SGPP2: variants seen among roughly 807,000 people sequenced by gnomAD.
SGPP2 encodes the protein sphingosine 1-phosphate phosphohydrolase 2.
Under a neutral mutation model 33.9 loss-of-function variants are expected in SGPP2, and 30 were observed. That is an observed-to-expected ratio of 0.89 (90% CI 0.66 to 1.20). The LOEUF (loss-of-function observed/expected upper bound fraction) is 1.20, where lower values mean the gene tolerates loss of function less well. SGPP2 is among the 50% of genes most tolerant of loss of function. The pLI, the probability that SGPP2 is intolerant of heterozygous loss-of-function variation, is 0.00. For missense variants in SGPP2, 458 were observed against 532.1 expected, an observed-to-expected ratio of 0.86 and a Z score of 1.37; for synonymous variants, 233 against 225.0, an observed-to-expected ratio of 1.04 and a Z score of -0.32.
intron 2 of SGPP2, among the ~76,000 whole-genome samples, chr2:222,500,049 T>C (rs1698343700): frequency 6.6e-6 from 1 of 152,176 alleles, no homozygotes; most frequent in Non-Finnish European, 1.5e-5. Flanking sequence ...GTTCTTTCAG[T>C]GAGTCTGGCT....
chr2:222,490,355 A>G (rs188274902), intron 2 of SGPP2, among the ~76,000 whole-genome samples: 50 of 152,318 alleles, frequency 3.3e-4, no homozygotes, highest in African/African-American at 1.1e-3. Context: ...GCAATGACAA[A>G]TACTCTTATG....
chr2:222,510,230 G>A lies in SGPP2; in HGVS notation c.379-11537G>A, dbSNP rs182001533. Among the ~76,000 whole-genome samples the A allele has an allele frequency of 2.2e-4, 34 of 152,290 alleles. 1 individual carries two copies. The highest frequency in any genetic ancestry group is 2.2e-3 in the Admixed American group (33 of 15,286). On this transcript the variant is annotated intron_variant, in intron 2 of 4. Coordinates refer to ENST00000321276, the MANE Select transcript of SGPP2 (RefSeq NM_152386.4). The stretch of plus-strand genomic sequence containing the variant: ...AGGACACATGCTTTCCATTCTCTTA[G>A]GGATACACCTAGGAGTGGAATGGAT...
intron 4 of SGPP2, among the ~76,000 whole-genome samples, chr2:222,543,352 T>C (rs1010905234): frequency 6.6e-6 from 1 of 152,226 alleles, no homozygotes; most frequent in African/African-American, 2.4e-5. Flanking sequence ...CAAGTGACTT[T>C]ATGCATACAG....
At chr2:222,495,784 CT>C (rs926903629) in intron 2 of SGPP2, among the ~76,000 whole-genome samples, 27 of 152,340 alleles carry the variant, frequency 1.8e-4, no homozygotes, top group Admixed American at 6.5e-4. Flanking sequence ...TCTGTACCCC[CT>C]GGTCAGTCTG....
chr2:222,491,246 T>C (rs1698192944), intron 2 of SGPP2, among the ~76,000 whole-genome samples: 1 of 152,188 alleles, frequency 6.6e-6, no homozygotes, highest in Non-Finnish European at 1.5e-5. Context: ...GAAATCCCCC[T>C]GCCTCAGCTT....
intron 1 of SGPP2, among the ~76,000 whole-genome samples, chr2:222,433,404 T>A (rs1046253178): frequency 6.6e-6 from 1 of 152,156 alleles, no homozygotes; most frequent in Non-Finnish European, 1.5e-5. Flanking sequence ...TACACTTAAT[T>A]GCAAGTAGGT....
chr2:222,457,422 T>C (rs1401900204), intron 1 of SGPP2, among the ~76,000 whole-genome samples: 1 of 152,200 alleles, frequency 6.6e-6, no homozygotes, highest in Non-Finnish European at 1.5e-5. Flanking sequence ...AAATACTCTC[T>C]TATTACCTGA....
At chr2:222,469,119 A>C (rs907683959) in intron 1 of SGPP2, among the ~76,000 whole-genome samples, 1 of 152,178 alleles carries the variant, frequency 6.6e-6, no homozygotes, top group African/African-American at 2.4e-5. Flanking sequence ...TCATTTTATC[A>C]TTTCTTGTTT....
At chr2:222,532,790 C>T (rs2106142501) in intron 4 of SGPP2, among the ~76,000 whole-genome samples, 1 of 152,246 alleles carries the variant, frequency 6.6e-6, no homozygotes. Flanking sequence ...GACACAGCCC[C>T]ATTTGTGAGC....
chr2:222,469,868 T>C (rs1697811772), intron 1 of SGPP2, among the ~76,000 whole-genome samples: 1 of 152,204 alleles, frequency 6.6e-6, no homozygotes, highest in African/African-American at 2.4e-5. Flanking sequence ...CAAACCCAAA[T>C]GCCCATCAAT....
rs1697971964 is a variant in SGPP2, at chr2:222,477,883, T to A, written c.378+3157T>A. On this transcript the variant is annotated intron_variant, in intron 2 of 4. Coordinates refer to ENST00000321276, the MANE Select transcript of SGPP2 (RefSeq NM_152386.4). The surrounding 1 kb of genome is among the most constrained non-coding windows in gnomAD (Gnocchi z 6.0). The stretch of plus-strand genomic sequence containing the variant: ...CTTGTCTGAGGCAAAATGACAAGCT[T>A]TTGTCATAGAGTGAGGCAAATAAAA... Among the ~76,000 whole-genome samples, 1 of 152,044 alleles carries A rather than the reference T, an allele frequency of 6.6e-6. No individual in the cohort carries two copies. The highest frequency in any genetic ancestry group is 2.4e-5 in the African/African-American group (1 of 41,402).
Position 222,466,678 on chromosome 2 carries a change from G to GTT in SGPP2, c.220-7882_220-7881dup, listed in dbSNP as rs369207653. Among the ~76,000 whole-genome samples, 850 of 151,546 alleles carry GTT rather than the reference G, an allele frequency of 5.6e-3. 7 individuals carry two copies. Among genetic ancestry groups the GTT allele is most frequent in the African/African-American group, 0.02 (808 of 41,314 alleles). On this transcript the variant is annotated intron_variant, in intron 1 of 4. Transcript: ENST00000321276. Reference sequence around the variant, plus strand: ...CCCTTCTTAGGGAAACATGGTTTGGGTTTTTTTTTGGTATTGTGATGCTCT... The same window carrying GTT: ...CCCTTCTTAGGGAAACATGGTTTGGGTTTTTTTTTTTGGTATTGTGATGCTCT...
chr2:222,430,968 G>A (rs1697144051), intron 1 of SGPP2, among the ~76,000 whole-genome samples: 1 of 152,002 alleles, frequency 6.6e-6, no homozygotes, highest in African/African-American at 2.4e-5. Context: ...TATCCTGGAT[G>A]AGGTCATGGA....
At chr2:222,548,721 C>G (rs1689243587) in intron 4 of SGPP2, among the ~76,000 whole-genome samples, 1 of 152,182 alleles carries the variant, frequency 6.6e-6, no homozygotes, top group Non-Finnish European at 1.5e-5. Flanking sequence ...TATTTTTGAA[C>G]TTATGCATTC....
At chr2:222,546,394 A>G (rs1479279217) in intron 4 of SGPP2, among the ~76,000 whole-genome samples, 1 of 152,134 alleles carries the variant, frequency 6.6e-6, no homozygotes, top group Non-Finnish European at 1.5e-5. Flanking sequence ...CTTGAAACAT[A>G]CTTAATAACA....
At chr2:222,554,086 T>C (rs1282471179) in intron 4 of SGPP2, among the ~76,000 whole-genome samples, 1 of 152,214 alleles carries the variant, frequency 6.6e-6, no homozygotes, top group Non-Finnish European at 1.5e-5. Context: ...GAATTTTATC[T>C]TACTTTTTAA....
rs1452370875 is a variant in SGPP2, at chr2:222,466,500, C to T, written c.220-8068C>T. 6.6e-5 allele frequency among the ~76,000 whole-genome samples: 10 copies of T among 152,138 alleles called. No individual in the cohort carries two copies. In the East Asian group the frequency reaches 7.7e-4, roughly 12 times the overall value. On this transcript the variant is annotated intron_variant, in intron 1 of 4. Transcript: ENST00000321276. ...GTCTCGATCTCCTGACCTCGTGATCCGCCCACCTCGGCCTCCCAAAGTGCT... is the reference window on the plus strand; with the variant it reads ...GTCTCGATCTCCTGACCTCGTGATCTGCCCACCTCGGCCTCCCAAAGTGCT...
In SGPP2 at chr2:222,443,382, TC is replaced by T. The variant is rs575900324; in HGVS notation, c.219+18565del. ...TTCAACCCTTGTCCCTCTCCTTCCC[TC>T]CCCGCTTTTGAAATCCCCAGTGTCT... On this transcript the variant is annotated intron_variant, in intron 1 of 4. Transcript: ENST00000321276. 1.0e-3 allele frequency among the ~76,000 whole-genome samples: 156 copies of T among 152,248 alleles called. 1 individual carries two copies. Among genetic ancestry groups the T allele is most frequent in the South Asian group, 2.1e-3 (10 of 4,828 alleles).
At chr2:222,523,882 CTTAG>C (rs1405746039) in intron 3 of SGPP2, among the ~76,000 whole-genome samples, 2 of 152,098 alleles carry the variant, frequency 1.3e-5, no homozygotes, top group African/African-American at 4.8e-5. Context: ...AAATCTGAGA[CTTAG>C]TTAATGATAA....
Sources: allele counts gnomAD v4.1 joint callset (sites outside exome capture counted in the v4.1 genomes callset), GRCh38; gene constraint gnomAD v4.1.1; non-coding constraint Gnocchi (gnomAD v3.1); transcripts MANE v1.5; gene names NCBI Gene and HGNC (gene_info 2026-07-23, HGNC 2026-07-21).